Variants in TRAPPC10 observed in about 807,000 individuals in gnomAD.
The protein encoded by TRAPPC10 is trafficking protein particle complex subunit 10.
In TRAPPC10, 23 loss-of-function variants were observed where a neutral mutation model predicts 125.5. The observed-to-expected ratio is 0.18, with a 90% confidence interval of 0.13 to 0.26. TRAPPC10 has a LOEUF of 0.26. Among genes scored for constraint, TRAPPC10 ranks in the 10% least tolerant of loss-of-function variants. The probability of loss-of-function intolerance (pLI) is 1.00; values close to 1 mark genes in which losing one functional copy is unlikely to be tolerated. For missense variants in TRAPPC10, 1,123 were observed against 1,308.4 expected, an observed-to-expected ratio of 0.86 and a Z score of 2.19; for synonymous variants, 509 against 518.0, an observed-to-expected ratio of 0.98 and a Z score of 0.24.
chr21:44,092,746 T>C (rs2038672489), intron 19 of TRAPPC10, among the ~76,000 whole-genome samples: 1 of 144,692 alleles, frequency 6.9e-6, no homozygotes, highest in Admixed American at 7.1e-5. Context: ...AATTTAAATA[T>C]AAAATAATTG....
At chr21:44,034,162 C>T (rs1406137078) in intron 2 of TRAPPC10, among the ~76,000 whole-genome samples, 5 of 152,086 alleles carry the variant, frequency 3.3e-5, no homozygotes, top group Non-Finnish European at 7.4e-5. Context: ...CTTGTGGCTC[C>T]ATAAGAGGAG....
chr21:44,060,200 C>T (rs890620366), intron 6 of TRAPPC10: 3 of 151,572 alleles, frequency 2.0e-5, no homozygotes, highest in East Asian at 3.9e-4. Context: ...AGTATAGACA[C>T]AGAACCAAAG....
At chr21:44,093,498 C>G (rs2038723608) in intron 19 of TRAPPC10, among the ~76,000 whole-genome samples, 1 of 151,346 alleles carries the variant, frequency 6.6e-6, no homozygotes, top group Non-Finnish European at 1.5e-5. Context: ...TGGCTCACAC[C>G]TGTAATCCCA....
At chr21:44,043,068 C>T (rs934123212) in intron 3 of TRAPPC10, among the ~76,000 whole-genome samples, 1 of 152,072 alleles carries the variant, frequency 6.6e-6, no homozygotes, top group African/African-American at 2.4e-5. Context: ...AACACCATTT[C>T]ATAATAGTGT....
intron 5 of TRAPPC10, among the ~76,000 whole-genome samples, chr21:44,058,819 G>T (rs933032205): frequency 6.6e-6 from 1 of 152,248 alleles, no homozygotes; most frequent in Non-Finnish European, 1.5e-5. Context: ...AGGTGGCCAG[G>T]TCCTGGACAG....
rs1189357679 is a variant in TRAPPC10 at position 44,075,098 on chromosome 21, T to G, written c.1245T>G (p.Asp415Glu). The G allele has an allele frequency of 7.4e-6, 12 of 1,614,096 alleles. No homozygotes were observed. The highest frequency in any genetic ancestry group is 1.0e-5 in the Non-Finnish European group (12 of 1,180,046). ...LVSEKGPNSE[D>E]LNRTVDLLAG... Reference sequence around the variant, plus strand: ...CAGAGAAAGGACCTAACTCAGAAGATCTCAACAGGACAGTTGACCTTTTGG... The same window carrying G: ...CAGAGAAAGGACCTAACTCAGAAGAGCTCAACAGGACAGTTGACCTTTTGG... The change falls in exon 9 of 23, where the codon GAT becomes GAG. Residue 415 changes from aspartate (D) to glutamate (E), a missense_variant. Asp to Glu is a conservative substitution (Grantham distance 45). Transcript: ENST00000291574.
rs1342631168 is a variant in TRAPPC10 at position 44,082,161 on chromosome 21, C to G, written c.1724-627C>G. 2.0e-5 allele frequency among the ~76,000 whole-genome samples: 3 copies of G among 152,206 alleles called. No homozygotes were observed. The highest frequency in any genetic ancestry group is 7.2e-5 in the African/African-American group (3 of 41,442). On this transcript the variant is annotated intron_variant, in intron 13 of 22. Coordinates refer to ENST00000291574, the MANE Select transcript of TRAPPC10 (RefSeq NM_003274.5). This position sits in a 1 kb window ranked among gnomAD's most constrained non-coding sequence, Gnocchi z 4.4. ...TGATGAATATTTAATAAATACTTAACTGGTCACTTCTGCAGCCTTGTGTAT... is the reference window on the plus strand; with the variant it reads ...TGATGAATATTTAATAAATACTTAAGTGGTCACTTCTGCAGCCTTGTGTAT...
intron 3 of TRAPPC10, chr21:44,046,813 T>G (rs1363805883): frequency 3.4e-6 from 2 of 595,254 alleles, no homozygotes; most frequent in Non-Finnish European, 6.3e-6. Context: ...CGGCCACCTT[T>G]AAGTCTTTTG....
chr21:44,087,049 C>T lies in TRAPPC10; in HGVS notation c.2539+89C>T, dbSNP rs1328763900. 6.8e-7 allele frequency: 1 copy of T among 1,477,718 alleles called. No individual in the cohort carries two copies. Among genetic ancestry groups the T allele is most frequent in the South Asian group, 1.2e-5 (1 of 80,644 alleles). The allele number at this position is 1,477,718 out of a possible 1,614,324, so 91.5% of individuals were successfully genotyped here. ...AGGGTGAGCCTGGCCTTGCTGCCAT[C>T]CTGCTGAGCGCCCCTCAACAGTGTC... On this transcript the variant is annotated intron_variant, in intron 16 of 22. Coordinates refer to ENST00000291574, the MANE Select transcript of TRAPPC10 (RefSeq NM_003274.5). This position sits in a 1 kb window ranked among gnomAD's most constrained non-coding sequence, Gnocchi z 4.6.
chr21:44,025,244 A>G (rs1468109117), intron 1 of TRAPPC10, among the ~76,000 whole-genome samples: 6 of 152,194 alleles, frequency 3.9e-5, no homozygotes, highest in Admixed American at 2.0e-4. Context: ...CCATTGGGAA[A>G]CTGCCTGTAG....
At chr21:44,055,577 C>CGA in intron 4 of TRAPPC10, 121 bp from the exon 5 acceptor site, 3 of 591,614 alleles carry the variant, frequency 5.1e-6, no homozygotes, top group Non-Finnish European at 5.3e-6. Context: ...AACTCTGTCT[C>CGA]AAAAAAAAAA....
At chr21:44,041,772 G>A (rs2034441108) in intron 3 of TRAPPC10, among the ~76,000 whole-genome samples, 1 of 151,974 alleles carries the variant, frequency 6.6e-6, no homozygotes, top group African/African-American at 2.4e-5. Flanking sequence ...TGTCACTCAG[G>A]CTGTAGTGTA....
intron 1 of TRAPPC10, among the ~76,000 whole-genome samples, chr21:44,028,674 T>A (rs923664047): frequency 1.3e-5 from 2 of 152,174 alleles, no homozygotes; most frequent in Admixed American, 1.3e-4. Flanking sequence ...TTGATAGATC[T>A]CCTCTGTCAC....
chr21:44,075,264 T>C (rs2037193497), intron 9 of TRAPPC10, 111 bp downstream of exon 9: 3 of 742,564 alleles, frequency 4.0e-6, no homozygotes, highest in African/African-American at 1.8e-5. Flanking sequence ...TTACTCACCA[T>C]TTGGAAAATT....
intron 1 of TRAPPC10, among the ~76,000 whole-genome samples, chr21:44,012,797 T>G (rs1334481214): frequency 2.6e-5 from 4 of 151,684 alleles, no homozygotes; most frequent in African/African-American, 9.7e-5. Flanking sequence ...CGGCTGCAGT[T>G]GGAGCCGGTG....
rs144860921 is a variant in TRAPPC10 at position 44,046,849 on chromosome 21, C to G, written c.286-5431C>G. ...ATGCATTTCCTGCCAGTTCAAGTCC[C>G]TCTGCAGCGAGGTACTCCAGGATGG... On this transcript the variant is annotated intron_variant, in intron 3 of 22. Transcript: ENST00000291574. 1.5e-3 allele frequency: 1,076 copies of G among 704,208 alleles called. 5 individuals are homozygous for G. In the African/African-American group the frequency reaches 0.018, roughly 12 times the overall value. The allele number at this position is 704,208 out of a possible 1,614,324, so 43.6% of individuals were successfully genotyped here.
chr21:44,048,701 C>T (rs1401201093), intron 3 of TRAPPC10, among the ~76,000 whole-genome samples: 1 of 151,848 alleles, frequency 6.6e-6, no homozygotes, highest in East Asian at 1.9e-4. Context: ...ACCATGTTGG[C>T]CAAGCTGGTC....
At chr21:44,012,637 C>G in intron 1 of TRAPPC10, 77 bp downstream of exon 1, 2 of 1,324,018 alleles carry the variant, frequency 1.5e-6, no homozygotes. Context: ...CCGGCGCCCC[C>G]AGACCTTCAG....
rs965032557 is a variant in TRAPPC10, at chr21:44,082,718, C to T, written c.1724-70C>T. On this transcript the variant is annotated intron_variant, in intron 13 of 22. Transcript: ENST00000291574. The surrounding 1 kb of genome is among the most constrained non-coding windows in gnomAD (Gnocchi z 4.4). ...CTGCTCTCGGTGATCTTACTGTGTC[C>T]GCGGCCTGCTGCTGCTTACTGTCAG... 30 of 1,550,890 alleles carry T rather than the reference C, an allele frequency of 1.9e-5. No individual in the cohort carries two copies. The highest frequency in any genetic ancestry group is 9.0e-5 in the East Asian group (4 of 44,534).
Sources: allele counts gnomAD v4.1 joint callset (sites outside exome capture counted in the v4.1 genomes callset), GRCh38; gene constraint gnomAD v4.1.1; non-coding constraint Gnocchi (gnomAD v3.1); transcripts MANE v1.5; gene names NCBI Gene and HGNC (gene_info 2026-07-23, HGNC 2026-07-21).